The following PPM1H variants were observed in gnomAD, a reference collection of about 807,000 sequenced individuals.
PPM1H encodes the protein protein phosphatase, Mg2+/Mn2+ dependent 1H.
PPM1H carries 27 observed loss-of-function variants against 54.9 expected under a neutral mutation model. The observed-to-expected ratio is 0.49, with a 90% CI of 0.36 to 0.68. The LOEUF (loss-of-function observed/expected upper bound fraction) is 0.68, where lower values mean the gene tolerates loss of function less well. PPM1H is among the 30% of genes least tolerant of loss of function. The pLI, the probability that PPM1H is intolerant of heterozygous loss-of-function variation, is 0.00. For missense variants in PPM1H, 596 were observed against 667.8 expected (o/e 0.89, Z 1.19); for synonymous variants, 305 against 270.8 (o/e 1.13, Z -1.24).
chr12:62,681,004 G>C (rs568480412), intron 8 of PPM1H, among the ~76,000 whole-genome samples: 1 of 152,096 alleles, frequency 6.6e-6, no homozygotes, highest in Non-Finnish European at 1.5e-5. Flanking sequence ...AGACCCTCCC[G>C]CTCTGGGATT....
chr12:62,902,719 C>T (rs699577), intron 1 of PPM1H, among the ~76,000 whole-genome samples: 56,681 of 152,160 alleles, frequency 0.37, 12,594 homozygotes, highest in Non-Finnish European at 0.51. Context: ...TAAAATAATA[C>T]ATGTATAACC....
Position 62,844,277 on chromosome 12 carries a change from T to C in PPM1H, c.246-11998A>G, listed in dbSNP as rs1868870433. ...TTCAGCACTTTCTGTACAAAGCCAG[T>C]ATGTAACATTACAGTGATTTGCTTA... is the stretch of plus-strand genomic sequence containing the variant. On this transcript the variant is annotated intron_variant, in intron 1 of 9. Coordinates refer to ENST00000228705, the MANE Select transcript of PPM1H (RefSeq NM_020700.2). The surrounding 1 kb of genome is among the most constrained non-coding windows in gnomAD (Gnocchi z 5.2). Among the ~76,000 whole-genome samples the C allele has an allele frequency of 6.6e-6, 1 of 152,208 alleles. No homozygotes were observed. Among genetic ancestry groups the C allele is most frequent in the East Asian group, 1.9e-4 (1 of 5,198 alleles).
intron 4 of PPM1H, among the ~76,000 whole-genome samples, chr12:62,758,127 A>C (rs938684401): frequency 1.7e-4 from 26 of 152,250 alleles, no homozygotes; most frequent in Non-Finnish European, 2.5e-4. Context: ...ACTTTCCTTC[A>C]ATAATAGATT....
At position 62,806,360 on chromosome 12, in the gene PPM1H, A is replaced by C. The variant is rs1206139067; in HGVS notation, c.412-4200T>G. ...AATTCAACCAATATGTGATTTGAGCACTTTCTATGCAACAGGCTCTGGAGT... is the reference window on the plus strand; with the variant it reads ...AATTCAACCAATATGTGATTTGAGCCCTTTCTATGCAACAGGCTCTGGAGT... On this transcript the variant is annotated intron_variant, in intron 2 of 9. Transcript: ENST00000228705. Among the ~76,000 whole-genome samples, 3 of 152,222 alleles carry C rather than the reference A, an allele frequency of 2.0e-5. No homozygotes were observed. The East Asian group carries it at 5.8e-4, about 29-fold the overall frequency.
chr12:62,782,355 T>C (rs543955627), intron 4 of PPM1H, among the ~76,000 whole-genome samples: 2 of 152,324 alleles, frequency 1.3e-5, no homozygotes, highest in South Asian at 2.1e-4. Flanking sequence ...AGATGTGTAA[T>C]TGATTTTGAA....
At chr12:62,721,782 C>A (rs2076265163) in intron 5 of PPM1H, among the ~76,000 whole-genome samples, 1 of 152,064 alleles carries the variant, frequency 6.6e-6, no homozygotes, top group Non-Finnish European at 1.5e-5. Flanking sequence ...AATTATATAT[C>A]CCACACTGCT....
At position 62,759,829 on chromosome 12, in the gene PPM1H, T is replaced by C. The variant is rs376654789; in HGVS notation, c.870-22243A>G. Among the ~76,000 whole-genome samples the C allele has an allele frequency of 3.4e-3, 463 of 136,770 alleles. 3 individuals are homozygous for C. The highest frequency in any genetic ancestry group is 0.012 in the African/African-American group (437 of 35,724). 89.7% of individuals were successfully genotyped at this position (136,770 alleles called of 152,430 possible). A position where few individuals can be genotyped will look rare whatever the true frequency, so the allele number is the denominator to read the frequency against. ...CCTGGGGGGCAAGCACCTCCCACCC[T>C]GTTTCCACTTTCCTGGGGGGCAAGC... is the stretch of plus-strand genomic sequence containing the variant. On this transcript the variant is annotated intron_variant, in intron 4 of 9. Coordinates refer to ENST00000228705, the MANE Select transcript of PPM1H (RefSeq NM_020700.2).
chr12:62,826,853 T>G (rs1355242799), intron 2 of PPM1H, among the ~76,000 whole-genome samples: 2 of 152,202 alleles, frequency 1.3e-5, no homozygotes, highest in Non-Finnish European at 2.9e-5. Flanking sequence ...ATGCCATTAT[T>G]TATCCTGTTG....
chr12:62,884,040 T>A (rs973040396), intron 1 of PPM1H, among the ~76,000 whole-genome samples: 1 of 151,942 alleles, frequency 6.6e-6, no homozygotes, highest in Non-Finnish European at 1.5e-5. Context: ...CAGACAAAAG[T>A]CCCAGAGGGA....
chr12:62,834,329 T>G lies in PPM1H; in HGVS notation c.246-2050A>C, dbSNP rs1419445638. Among the ~76,000 whole-genome samples, 3 of 152,168 alleles carry G rather than the reference T, an allele frequency of 2.0e-5. No homozygotes were observed. In the East Asian group the frequency reaches 5.8e-4, roughly 29 times the overall value. On this transcript the variant is annotated intron_variant, in intron 1 of 9. Coordinates refer to ENST00000228705, the MANE Select transcript of PPM1H (RefSeq NM_020700.2). ...ATTTTCATATGGCTTAAGGATAAAA[T>G]GTAAATATTAGGGACACAATGAGGC... is the stretch of plus-strand genomic sequence containing the variant.
chr12:62,753,011 A>G (rs918839415), intron 4 of PPM1H, among the ~76,000 whole-genome samples: 21 of 152,198 alleles, frequency 1.4e-4, no homozygotes, highest in Middle Eastern at 3.2e-3. Flanking sequence ...ACAGTTGGAA[A>G]TGTGGGAGTG....
chr12:62,915,909 G>C (rs901693680), intron 1 of PPM1H, among the ~76,000 whole-genome samples: 11 of 152,096 alleles, frequency 7.2e-5, no homozygotes, highest in African/African-American at 2.4e-4. Flanking sequence ...CCTTCCTCAT[G>C]CTGCTGTCTC....
At chr12:62,905,266 G>C (rs1339518060) in intron 1 of PPM1H, among the ~76,000 whole-genome samples, 3 of 152,220 alleles carry the variant, frequency 2.0e-5, no homozygotes, top group Admixed American at 6.5e-5. Flanking sequence ...AGAGAAAGAA[G>C]CCAGGGTTTC....
At position 62,795,940 on chromosome 12, in the gene PPM1H, G is replaced by T. The variant is rs574098852; in HGVS notation, c.756+5876C>A. On this transcript the variant is annotated intron_variant, in intron 3 of 9. Transcript: ENST00000228705. ...GACAGGGTTTCGCCATGTTGGTTAG[G>T]CTGGTCTCGAACTCCTGGCCTCAAG... 2.0e-5 allele frequency among the ~76,000 whole-genome samples: 3 copies of T among 151,852 alleles called. No homozygotes were observed. The South Asian group carries it at 6.3e-4, about 32-fold the overall frequency.
At chr12:62,680,370 T>C (rs2076013040) in intron 8 of PPM1H, among the ~76,000 whole-genome samples, 1 of 151,394 alleles carries the variant, frequency 6.6e-6, no homozygotes, top group Non-Finnish European at 1.5e-5. Flanking sequence ...TCTTTCAAGA[T>C]GGGGTATCAC....
At chr12:62,912,962 A>G (rs1278872351) in intron 1 of PPM1H, among the ~76,000 whole-genome samples, 1 of 152,220 alleles carries the variant, frequency 6.6e-6, no homozygotes, top group Non-Finnish European at 1.5e-5. Flanking sequence ...TACGGCTACT[A>G]TAATTTATAC....
At chr12:62,744,094 C>A (rs186236223) in intron 4 of PPM1H, among the ~76,000 whole-genome samples, 88 of 148,672 alleles carry the variant, frequency 5.9e-4, no homozygotes, top group African/African-American at 2.0e-3. Context: ...AGACTGGAAA[C>A]AGCCTGAATG....
intron 4 of PPM1H, chr12:62,755,825 C>T: frequency 1.2e-6 from 1 of 821,372 alleles, no homozygotes; most frequent in East Asian, 2.5e-5. Context: ...GTGTGACAGC[C>T]ACGGCGCTCT....
At chr12:62,782,634 G>A (rs542288082) in intron 4 of PPM1H, among the ~76,000 whole-genome samples, 13 of 152,162 alleles carry the variant, frequency 8.5e-5, no homozygotes, top group Non-Finnish European at 8.8e-5. Flanking sequence ...AGACTCTCAA[G>A]CATGAGAAGA....
Sources: gnomAD v4.1 joint callset for allele counts (sites outside exome capture counted in the v4.1 genomes callset) on GRCh38, gnomAD v4.1.1 for gene constraint, Gnocchi (gnomAD v3.1) non-coding constraint, MANE v1.5 for transcripts, NCBI Gene and HGNC (gene_info 2026-07-23, HGNC 2026-07-21) for gene names.